CNTN5: variants seen among roughly 807,000 people sequenced by gnomAD.
CNTN5 encodes contactin 5.
CNTN5 carries 77 observed loss-of-function variants against 129.1 expected under a neutral mutation model. The observed-to-expected ratio is 0.60, with a 90% CI of 0.50 to 0.72. The LOEUF (loss-of-function observed/expected upper bound fraction) is 0.72, where lower values mean the gene tolerates loss of function less well. Among genes scored for constraint, CNTN5 ranks in the 30% least tolerant of loss-of-function variants. CNTN5 has a pLI of 0.00. For synonymous variants in CNTN5, 509 were observed against 465.6 expected (o/e 1.09, Z -1.20); for missense variants, 1,478 against 1,328.8 (o/e 1.11, Z -1.75).
At chr11:100,052,767 CAAACTT>C (rs1030159861) in intron 9 of CNTN5, among the ~76,000 whole-genome samples, 21 of 151,780 alleles carry the variant, frequency 1.4e-4, no homozygotes, top group African/African-American at 4.8e-4. Context: ...GAAAAAGAAA[CAAACTT>C]AGAAGACTTG....
At chr11:99,261,584 A>G (rs927242263) in intron 1 of CNTN5, among the ~76,000 whole-genome samples, 2 of 152,016 alleles carry the variant, frequency 1.3e-5, no homozygotes, top group African/African-American at 4.8e-5. Context: ...TGCTGAATCC[A>G]TTTCATGTAA....
intron 3 of CNTN5, among the ~76,000 whole-genome samples, chr11:99,781,574 T>G (rs1855662110): frequency 6.6e-6 from 1 of 152,004 alleles, no homozygotes; most frequent in African/African-American, 2.4e-5. Flanking sequence ...GCTTACCCTC[T>G]CCTGACCCTA....
At chr11:99,494,690 C>T (rs969722279) in intron 2 of CNTN5, among the ~76,000 whole-genome samples, 6 of 152,146 alleles carry the variant, frequency 3.9e-5, no homozygotes, top group African/African-American at 1.4e-4. Context: ...GAGTCACATG[C>T]TTTCTTATAT....
At chr11:99,306,639 C>T (rs1565478602) in intron 1 of CNTN5, among the ~76,000 whole-genome samples, 1 of 151,542 alleles carries the variant, frequency 6.6e-6, no homozygotes, top group Non-Finnish European at 1.5e-5. Flanking sequence ...GAGGCTGAGG[C>T]AGGAGAATGG....
At chr11:99,121,356 C>A (rs1490835196) in intron 1 of CNTN5, among the ~76,000 whole-genome samples, 1 of 152,078 alleles carries the variant, frequency 6.6e-6, no homozygotes, top group African/African-American at 2.4e-5. Context: ...ACTGGTCGAA[C>A]TCCTGACCTA....
intron 2 of CNTN5, among the ~76,000 whole-genome samples, chr11:99,550,951 A>T (rs758151357): frequency 6.6e-6 from 1 of 152,192 alleles, no homozygotes; most frequent in East Asian, 1.9e-4. Context: ...TTTGGCAAAA[A>T]GTTTGTTTAA....
chr11:100,050,493 G>T (rs1056648417), intron 9 of CNTN5, among the ~76,000 whole-genome samples: 8 of 151,820 alleles, frequency 5.3e-5, no homozygotes, highest in African/African-American at 1.7e-4. Context: ...GGAGAGGGGG[G>T]AGGGATAGCT....
intron 1 of CNTN5, among the ~76,000 whole-genome samples, chr11:99,063,822 C>T (rs1024804926): frequency 3.9e-5 from 6 of 152,112 alleles, no homozygotes; most frequent in African/African-American, 1.2e-4. Context: ...TCATATCTCT[C>T]TAGACCCCAT....
At chr11:99,839,869 T>C (rs1252427901) in intron 4 of CNTN5, among the ~76,000 whole-genome samples, 1 of 152,058 alleles carries the variant, frequency 6.6e-6, no homozygotes, top group Admixed American at 6.6e-5. Flanking sequence ...AGAGAACTTT[T>C]TTTCTTTTTA....
intron 21 of CNTN5, among the ~76,000 whole-genome samples, chr11:100,319,801 G>A (rs2138956843): frequency 6.6e-6 from 1 of 152,220 alleles, no homozygotes; most frequent in East Asian, 1.9e-4. Flanking sequence ...AGACCATGTG[G>A]TATTTGTCTT....
intron 2 of CNTN5, among the ~76,000 whole-genome samples, chr11:99,402,719 G>A (rs1591631127): frequency 6.6e-6 from 1 of 152,106 alleles, no homozygotes; most frequent in African/African-American, 2.4e-5. Context: ...TCTTTACTGG[G>A]AGACTTTATT....
intron 2 of CNTN5, among the ~76,000 whole-genome samples, chr11:99,554,767 C>T (rs1021478866): frequency 9.9e-5 from 15 of 152,078 alleles, no homozygotes; most frequent in African/African-American, 3.1e-4. Context: ...ACTTTAATCT[C>T]TCCAGTTATT....
At chr11:99,784,161 A>T (rs1367277114) in intron 3 of CNTN5, among the ~76,000 whole-genome samples, 1 of 152,078 alleles carries the variant, frequency 6.6e-6, no homozygotes, top group African/African-American at 2.4e-5. Flanking sequence ...TATTATTATT[A>T]TACTTTAAGT....
At chr11:99,967,039 C>G (rs1951113478) in intron 8 of CNTN5, among the ~76,000 whole-genome samples, 1 of 152,032 alleles carries the variant, frequency 6.6e-6, no homozygotes, top group African/African-American at 2.4e-5. Flanking sequence ...AGAATGCTTC[C>G]TGGAAGAGGT....
intron 3 of CNTN5, among the ~76,000 whole-genome samples, chr11:99,637,351 T>G (rs578234376): frequency 2.6e-4 from 39 of 152,198 alleles, no homozygotes; most frequent in South Asian, 1.9e-3. Context: ...AATGTCATGA[T>G]ATCAAAGGAA....
chr11:99,930,464 G>C lies in CNTN5; in HGVS notation c.673+14315G>C, dbSNP rs143953701. Among the ~76,000 whole-genome samples, 109 of 151,998 alleles carry C rather than the reference G, an allele frequency of 7.2e-4. 1 individual carries two copies. In the Middle Eastern group the frequency reaches 0.01, roughly 14 times the overall value. On this transcript the variant is annotated intron_variant, in intron 7 of 24. Transcript: ENST00000524871. ...GTGTTAGGAAATGTTCCTTCCCCTC[G>C]TGCCAGTCTTGACCACTCATTTCTG...
intron 2 of CNTN5, among the ~76,000 whole-genome samples, chr11:99,422,449 A>G (rs1281914065): frequency 4.7e-5 from 7 of 149,382 alleles, no homozygotes; most frequent in East Asian, 2.0e-4. Flanking sequence ...AATAAAGAAA[A>G]TGTATGTCCT....
At chr11:100,114,384 A>G (rs1010244139) in intron 13 of CNTN5, among the ~76,000 whole-genome samples, 5 of 152,142 alleles carry the variant, frequency 3.3e-5, no homozygotes, top group African/African-American at 1.2e-4. Context: ...TGTCAGTTTT[A>G]TGTGATAGTT....
chr11:99,288,996 A>G (rs1864058231), intron 1 of CNTN5, among the ~76,000 whole-genome samples: 1 of 151,820 alleles, frequency 6.6e-6, no homozygotes, highest in Non-Finnish European at 1.5e-5. Flanking sequence ...TAGCATGTGA[A>G]CAATCAGATC....
Sources: allele counts gnomAD v4.1 joint callset (sites outside exome capture counted in the v4.1 genomes callset), GRCh38; gene constraint gnomAD v4.1.1; transcripts MANE v1.5; gene names NCBI Gene and HGNC (gene_info 2026-07-23, HGNC 2026-07-21).